DYNC2LI1: variants seen among roughly 807,000 people sequenced by gnomAD.
DYNC2LI1 encodes dynein cytoplasmic 2 light intermediate chain 1, also known as cytoplasmic dynein 2 light intermediate chain 1.
In DYNC2LI1, 45 loss-of-function variants were observed where a neutral mutation model predicts 51.9. That is an observed-to-expected ratio of 0.87 (90% CI 0.68 to 1.11). DYNC2LI1 has a LOEUF of 1.11. Ranked by LOEUF, DYNC2LI1 falls within the 50% of genes most tolerant of loss-of-function variation. The pLI is 0.00. For synonymous variants in DYNC2LI1, 130 were observed against 137.8 expected, an observed-to-expected ratio of 0.94 and a Z score of 0.40; for missense variants, 490 against 417.4, an observed-to-expected ratio of 1.17 and a Z score of -1.51.
Position 43,794,586 on chromosome 2 carries a change from T to C in DYNC2LI1, c.450T>C (p.Ala150=), listed in dbSNP as rs144608735. 4 of 1,614,108 alleles carry C rather than the reference T, an allele frequency of 2.5e-6. No individual in the cohort carries two copies. Among genetic ancestry groups the C allele is most frequent in the Non-Finnish European group, 2.5e-6 (3 of 1,179,996 alleles). Residue 150 remains alanine (A), a synonymous_variant, in exon 6 of 13, where the codon GCT becomes GCC. Transcript: ENST00000260605. ...KVIMKLGKTN[A]KAVSEMRQKI... is the part of the protein sequence containing the mutation. The stretch of plus-strand genomic sequence containing the variant: ...TAATGAAACTGGGAAAGACAAATGC[T>C]AAAGCAGTTTCTGAAATGAGACAGA...
chr2:43,824,776 C>A, the DYNC2LI1 span: 1 of 1,532,098 alleles, frequency 6.5e-7, no homozygotes, highest in Non-Finnish European at 8.9e-7. Context: ...GAGTATAAAA[C>A]ACAAAAACAA....
intron 3 of DYNC2LI1, among the ~76,000 whole-genome samples, chr2:43,785,511 A>G (rs995047570): frequency 1.3e-5 from 2 of 151,912 alleles, no homozygotes; most frequent in Non-Finnish European, 2.9e-5. Flanking sequence ...AGGCGGGCAT[A>G]TCATTTGAGG....
chr2:43,774,040 G>A lies in DYNC2LI1; in HGVS notation c.-99G>A. On this transcript the variant is annotated 5_prime_UTR_variant, in exon 1 of 13. Transcript: ENST00000260605. ...GCGACGTCGCTCCCATGGCAACCCA[G>A]AAGGCCTCACTCCCAGACTCCTTGC... is the stretch of plus-strand genomic sequence containing the variant. 1.3e-6 allele frequency: 2 copies of A among 1,530,730 alleles called. No individual in the cohort carries two copies. Among genetic ancestry groups the A allele is most frequent in the Non-Finnish European group, 1.8e-6 (2 of 1,128,032 alleles). The allele number at this position is 1,530,730 out of a possible 1,614,324, so 94.8% of individuals were successfully genotyped here. A position where few individuals can be genotyped will look rare whatever the true frequency, so the allele number is the denominator to read the frequency against.
chr2:43,828,155 G>C, the DYNC2LI1 span: 37 of 1,613,006 alleles, frequency 2.3e-5, no homozygotes, highest in Non-Finnish European at 3.1e-5. Context: ...GGGAGTCTCT[G>C]TGGCTGCTAT....
In DYNC2LI1 at chr2:43,804,747, T is replaced by C. The variant is rs1409451315; in HGVS notation, c.900+8T>C. ...AAGCTCTTTCCACCAAAGGTACATA[T>C]TTCTAATTTTTTTAAAAGCAAGACT... On this transcript the variant is annotated splice_region_variant and intron_variant, in intron 11 of 12. Coordinates refer to ENST00000260605, the MANE Select transcript of DYNC2LI1 (RefSeq NM_016008.4). The C allele has an allele frequency of 1.3e-6, 2 of 1,575,286 alleles. No individual in the cohort carries two copies. The highest frequency in any genetic ancestry group is 2.2e-5 in the East Asian group (1 of 44,472).
rs533497657 is a variant in DYNC2LI1, at chr2:43,783,697, T to C, written c.161+143T>C. ...TTCTTAGCAAATCCTTAGTATAACC[T>C]TTAAGAGCGCCTTTAAATATAAAAC... On this transcript the variant is annotated intron_variant, in intron 3 of 12. Coordinates refer to ENST00000260605, the MANE Select transcript of DYNC2LI1 (RefSeq NM_016008.4). The C allele has an allele frequency of 5.8e-6, 3 of 521,306 alleles. No homozygotes were observed. In the South Asian group the frequency reaches 1.3e-4, roughly 23 times the overall value. The allele number at this position is 521,306 out of a possible 1,614,324, so 32.3% of individuals were successfully genotyped here.
chr2:43,787,281 C>T (rs908511146), intron 4 of DYNC2LI1, 31 bp downstream of exon 4: 2 of 1,539,620 alleles, frequency 1.3e-6, no homozygotes, highest in African/African-American at 1.4e-5. Context: ...CATTGCTATG[C>T]CCATAGATGG....
the DYNC2LI1 span, chr2:43,823,817 A>G: frequency 2.8e-6 from 4 of 1,429,356 alleles, no homozygotes; most frequent in Non-Finnish European, 3.8e-6. Flanking sequence ...TAGCTCAGAG[A>G]AAAACCCTTA....
At chr2:43,794,955 G>C in intron 6 of DYNC2LI1, 1 of 1,273,846 alleles carries the variant, frequency 7.9e-7, no homozygotes, top group Non-Finnish European at 9.9e-7. Context: ...AAGATAAAAA[G>C]CCAGATTGTA....
chr2:43,783,959 A>G (rs901926556), intron 3 of DYNC2LI1, among the ~76,000 whole-genome samples: 6 of 152,158 alleles, frequency 3.9e-5, no homozygotes, highest in African/African-American at 1.4e-4. Flanking sequence ...TGGATATTTT[A>G]TCATTTATTT....
intron 12 of DYNC2LI1, among the ~76,000 whole-genome samples, chr2:43,806,553 T>C (rs1666263918): frequency 6.6e-6 from 1 of 152,212 alleles, no homozygotes; most frequent in South Asian, 2.1e-4. Context: ...TATGTAACCC[T>C]TATTATGTTT....
chr2:43,805,268 T>G (rs1666208949), intron 12 of DYNC2LI1, 22 bp downstream of exon 12: 1 of 1,495,140 alleles, frequency 6.7e-7, no homozygotes, highest in African/African-American at 1.4e-5. Context: ...AACATTTACT[T>G]AATTTCATCT....
At chr2:43,780,256 T>C (rs1473744834) in intron 2 of DYNC2LI1, among the ~76,000 whole-genome samples, 1 of 152,158 alleles carries the variant, frequency 6.6e-6, no homozygotes, top group Non-Finnish European at 1.5e-5. Flanking sequence ...GATGTAACCT[T>C]GGAAGTGACC....
chr2:43,791,533 A>G (rs887450295), intron 5 of DYNC2LI1, among the ~76,000 whole-genome samples: 1 of 152,168 alleles, frequency 6.6e-6, no homozygotes, highest in Non-Finnish European at 1.5e-5. Context: ...AGGAAGGGTC[A>G]GGGTTATGAT....
chr2:43,803,784 A>G (rs1572719365), intron 10 of DYNC2LI1, among the ~76,000 whole-genome samples: 1 of 152,246 alleles, frequency 6.6e-6, no homozygotes, highest in South Asian at 2.1e-4. Flanking sequence ...GATGTCCTGG[A>G]AGATCACCAG....
intron 4 of DYNC2LI1, among the ~76,000 whole-genome samples, chr2:43,789,269 T>C (rs563812184): frequency 6.6e-6 from 1 of 152,374 alleles, no homozygotes; most frequent in Non-Finnish European, 1.5e-5. Context: ...TCTAGAATTA[T>C]AAATGTTTTC....
chr2:43,821,335 T>G, the DYNC2LI1 span, among the ~76,000 whole-genome samples: 3 of 152,240 alleles, frequency 2.0e-5, no homozygotes, highest in African/African-American at 7.2e-5. Context: ...TTTAACCTTC[T>G]TGATGAGCCA....
intron 8 of DYNC2LI1, 129 bp from the exon 9 acceptor site, chr2:43,800,710 CAG>C: frequency 4.0e-6 from 2 of 495,860 alleles, no homozygotes; most frequent in Non-Finnish European, 7.1e-6. Flanking sequence ...TCTACTCAAA[CAG>C]AAGTATTTGC....
At chr2:43,815,243 T>C in the DYNC2LI1 span, among the ~76,000 whole-genome samples, 1 of 152,260 alleles carries the variant, frequency 6.6e-6, no homozygotes, top group Non-Finnish European at 1.5e-5. Flanking sequence ...AACTGTGTGC[T>C]GACACTGTGG....
Sources: gnomAD v4.1 joint callset for allele counts (sites outside exome capture counted in the v4.1 genomes callset) on GRCh38, gnomAD v4.1.1 for gene constraint, MANE v1.5 for transcripts, NCBI Gene and HGNC (gene_info 2026-07-23, HGNC 2026-07-21) for gene names.